Variants in TOX observed in about 807,000 individuals in gnomAD.
The protein encoded by TOX is thymocyte selection associated high mobility group box.
A neutral mutation model predicts 53.7 loss-of-function variants in TOX; 11 were observed. The ratio of observed to expected loss-of-function variants is 0.20; its 90% CI spans 0.13 to 0.34. TOX has a LOEUF of 0.34. Among genes scored for constraint, TOX ranks in the 10% least tolerant of loss-of-function variants. The pLI is 1.00. For synonymous variants in TOX, 225 were observed against 245.3 expected (o/e 0.92, Z 0.77); for missense variants, 570 against 664.6 (o/e 0.86, Z 1.56).
intron 7 of TOX, among the ~76,000 whole-genome samples, chr8:58,813,207 T>C (rs955708064): frequency 1.3e-5 from 2 of 152,236 alleles, no homozygotes; most frequent in Admixed American, 6.5e-5. Flanking sequence ...TGTGGTCTTA[T>C]GTAAATCTGA....
intron 1 of TOX, among the ~76,000 whole-genome samples, chr8:59,045,847 G>A (rs1404404768): frequency 2.0e-5 from 3 of 152,176 alleles, no homozygotes; most frequent in Non-Finnish European, 4.4e-5. Context: ...TGATTATCAT[G>A]GAATGAGGCC....
chr8:58,889,886 T>C (rs1563380536), intron 3 of TOX, among the ~76,000 whole-genome samples: 1 of 152,162 alleles, frequency 6.6e-6, no homozygotes, highest in Non-Finnish European at 1.5e-5. Flanking sequence ...ACTAAAGTGA[T>C]CTCTTAACAT....
At chr8:58,913,297 C>T (rs1430867146) in intron 3 of TOX, among the ~76,000 whole-genome samples, 6 of 152,012 alleles carry the variant, frequency 3.9e-5, no homozygotes, top group Admixed American at 2.0e-4. Context: ...GCCTGGGTGA[C>T]AGAGAAAGAC....
intron 3 of TOX, among the ~76,000 whole-genome samples, chr8:58,925,068 C>T (rs1346137739): frequency 5.3e-5 from 8 of 152,174 alleles, no homozygotes; most frequent in South Asian, 2.1e-4. Context: ...CCCCAACCCT[C>T]GGCCTGCCTG....
At chr8:58,949,617 T>C (rs58180923) in intron 2 of TOX, among the ~76,000 whole-genome samples, 51,422 of 151,972 alleles carry the variant, frequency 0.34, 8,846 homozygotes, top group East Asian at 0.4. Flanking sequence ...ATTAAATAGA[T>C]ATTTTTTACT....
rs1053020339 is a variant in TOX at position 58,993,947 on chromosome 8, T to G, written c.103-33939A>C. Reference sequence around the variant, plus strand: ...AGTTGCCATGGCAGCATAAAGACGTTGTGAATTGGTCTACCTGTGGGAAAA... The same window carrying G: ...AGTTGCCATGGCAGCATAAAGACGTGGTGAATTGGTCTACCTGTGGGAAAA... On this transcript the variant is annotated intron_variant, in intron 1 of 8. Coordinates refer to ENST00000361421, the MANE Select transcript of TOX (RefSeq NM_014729.3). 2.0e-5 allele frequency among the ~76,000 whole-genome samples: 3 copies of G among 148,260 alleles called. No individual in the cohort carries two copies. The East Asian group carries it at 6.4e-4, about 32-fold the overall frequency.
At chr8:58,952,294 G>C (rs7826756) in intron 2 of TOX, among the ~76,000 whole-genome samples, 47,777 of 152,012 alleles carry the variant, frequency 0.31, 7,723 homozygotes, top group East Asian at 0.4. Flanking sequence ...CTTGGAAATG[G>C]AACTAGCATA....
intron 3 of TOX, among the ~76,000 whole-genome samples, chr8:58,878,313 C>T (rs1285523282): frequency 2.0e-5 from 3 of 152,060 alleles, no homozygotes; most frequent in African/African-American, 7.2e-5. Context: ...AAGCAATGTT[C>T]TTTAGGTAAT....
At chr8:59,073,936 A>G (rs1804247752) in intron 1 of TOX, among the ~76,000 whole-genome samples, 1 of 152,222 alleles carries the variant, frequency 6.6e-6, no homozygotes, top group Non-Finnish European at 1.5e-5. Context: ...CAAAGTTCAT[A>G]AAGCATTATC....
chr8:58,996,956 A>G, intron 1 of TOX, among the ~76,000 whole-genome samples: 1 of 152,050 alleles, frequency 6.6e-6, no homozygotes, highest in East Asian at 1.9e-4. Flanking sequence ...TTTGTTTCAG[A>G]CTCGCATAGC....
At chr8:59,049,563 C>T (rs1803753533) in intron 1 of TOX, among the ~76,000 whole-genome samples, 1 of 151,994 alleles carries the variant, frequency 6.6e-6, no homozygotes, top group South Asian at 2.1e-4. Context: ...TTGAATAAGA[C>T]AACCAAAGTA....
At chr8:59,064,438 A>C (rs955969345) in intron 1 of TOX, among the ~76,000 whole-genome samples, 1 of 152,206 alleles carries the variant, frequency 6.6e-6, no homozygotes, top group Non-Finnish European at 1.5e-5. Flanking sequence ...CATTGTCTTA[A>C]CTCTGGATAA....
At chr8:58,982,612 C>T (rs571463507) in intron 1 of TOX, among the ~76,000 whole-genome samples, 1 of 152,330 alleles carries the variant, frequency 6.6e-6, no homozygotes, top group African/African-American at 2.4e-5. Flanking sequence ...CTGCACATTA[C>T]AGATCTCAAA....
chr8:58,878,748 C>G (rs1811329297), intron 3 of TOX, among the ~76,000 whole-genome samples: 1 of 152,168 alleles, frequency 6.6e-6, no homozygotes, highest in African/African-American at 2.4e-5. Context: ...TGCCAGCAGA[C>G]AGATCATCAC....
chr8:59,053,196 C>T (rs754906387), intron 1 of TOX, among the ~76,000 whole-genome samples: 3 of 152,150 alleles, frequency 2.0e-5, no homozygotes, highest in African/African-American at 7.2e-5. Flanking sequence ...CTAAGCCATT[C>T]GGTATCAAAA....
intron 3 of TOX, among the ~76,000 whole-genome samples, chr8:58,914,714 A>G (rs1251654225): frequency 6.6e-6 from 1 of 152,212 alleles, no homozygotes; most frequent in Non-Finnish European, 1.5e-5. Context: ...ATGGCCGAAT[A>G]GGAACAGCTC....
intron 1 of TOX, among the ~76,000 whole-genome samples, chr8:58,995,934 A>G (rs1271964764): frequency 6.6e-6 from 1 of 152,146 alleles, no homozygotes; most frequent in Non-Finnish European, 1.5e-5. Flanking sequence ...TGGGGCTGGG[A>G]ATCATTTTAA....
In TOX at chr8:58,893,661, C is replaced by T. The variant is rs1425860043; in HGVS notation, c.412-41856G>A. ...GTGGAGTTCCTAATGGCTTTAGCTGCCTTTGGTGGGTTTTCTTTCCCTCAC... is the reference window on the plus strand; with the variant it reads ...GTGGAGTTCCTAATGGCTTTAGCTGTCTTTGGTGGGTTTTCTTTCCCTCAC... On this transcript the variant is annotated intron_variant, in intron 3 of 8. Transcript: ENST00000361421. 2.0e-5 allele frequency among the ~76,000 whole-genome samples: 3 copies of T among 152,134 alleles called. No individual in the cohort carries two copies. In the East Asian group the frequency reaches 5.8e-4, roughly 29 times the overall value.
intron 3 of TOX, among the ~76,000 whole-genome samples, chr8:58,868,368 C>A (rs1811137601): frequency 6.6e-6 from 1 of 152,152 alleles, no homozygotes; most frequent in East Asian, 1.9e-4. Context: ...GATAGAGAAT[C>A]AATAAAAAAC....
Sources: gnomAD v4.1 joint callset for allele counts (sites outside exome capture counted in the v4.1 genomes callset) on GRCh38, gnomAD v4.1.1 for gene constraint, MANE v1.5 for transcripts, NCBI Gene and HGNC (gene_info 2026-07-23, HGNC 2026-07-21) for gene names.